Variants in USP24 observed in about 807,000 individuals in gnomAD.
USP24 encodes the protein ubiquitin specific peptidase 24.
USP24 carries 97 observed loss-of-function variants against 361.6 expected under a neutral mutation model. The observed-to-expected ratio is 0.27, with a 90% CI of 0.23 to 0.32. The LOEUF (loss-of-function observed/expected upper bound fraction) is 0.32. Among genes scored for constraint, USP24 ranks in the 10% least tolerant of loss-of-function variants. The pLI is 1.00. For missense variants in USP24, 2,353 were observed against 3,165.6 expected, an observed-to-expected ratio of 0.74 and a Z score of 6.16; for synonymous variants, 1,098 against 1,124.6, an observed-to-expected ratio of 0.98 and a Z score of 0.47.
intron 6 of USP24, 72 bp downstream of exon 6, chr1:55,166,496 T>A: frequency 7.2e-7 from 1 of 1,384,242 alleles, no homozygotes; most frequent in Non-Finnish European, 9.9e-7. Flanking sequence ...TTGCTTAATA[T>A]ACCAAACTCT....
At chr1:55,153,833 G>C in intron 16 of USP24, 37 bp downstream of exon 16, 1 of 1,525,974 alleles carries the variant, frequency 6.6e-7, no homozygotes, top group Non-Finnish European at 8.9e-7. Flanking sequence ...TATTAAACTA[G>C]TATACCTTTT....
At chr1:55,147,366 A>T (rs1647056875) in intron 18 of USP24, among the ~76,000 whole-genome samples, 1 of 152,186 alleles carries the variant, frequency 6.6e-6, no homozygotes, top group South Asian at 2.1e-4. Flanking sequence ...CTAATTTTTT[A>T]AAAAACAATA....
In USP24 at chr1:55,106,277, T is replaced by C. The variant is rs766767983; in HGVS notation, c.4763-14A>G. On this transcript the variant is annotated splice_polypyrimidine_tract_variant and intron_variant, in intron 40 of 67. Transcript: ENST00000294383. The stretch of plus-strand genomic sequence containing the variant: ...TGAGTGATGAACCTGGAATAGAGCA[T>C]AATATTCATGTTGAAGATGAACACA... The C allele has an allele frequency of 6.4e-7, 1 of 1,562,218 alleles. No individual in the cohort carries two copies. Among genetic ancestry groups the C allele is most frequent in the South Asian group, 1.1e-5 (1 of 89,630 alleles).
chr1:55,145,916 A>G, intron 20 of USP24, 82 bp downstream of exon 20: 1 of 1,005,190 alleles, frequency 9.9e-7, no homozygotes, highest in Non-Finnish European at 1.5e-6. Flanking sequence ...GTTGCTTCTG[A>G]GAAGGAGGAT....
In USP24 at chr1:55,079,498, C is replaced by T. The variant is rs371673177; in HGVS notation, c.7200+40G>A. 611 of 1,554,410 alleles carry T rather than the reference C, an allele frequency of 3.9e-4. 5 individuals are homozygous for T. In the South Asian group the frequency reaches 7.3e-3, roughly 19 times the overall value. ...GTAACAAAAAGCAATTTTCCTCAAA[C>T]AGGAGGGAAAAAAATGGCTTTAGAA... On this transcript the variant is annotated intron_variant, in intron 60 of 67. Transcript: ENST00000294383.
chr1:55,201,135 G>A (rs983702803), intron 1 of USP24, among the ~76,000 whole-genome samples: 1 of 152,190 alleles, frequency 6.6e-6, no homozygotes, highest in Non-Finnish European at 1.5e-5. Flanking sequence ...GGGTATTTTA[G>A]GCAAAAGTAG....
At chr1:55,209,908 T>A (rs900987798) in intron 1 of USP24, among the ~76,000 whole-genome samples, 2 of 152,202 alleles carry the variant, frequency 1.3e-5, no homozygotes, top group African/African-American at 4.8e-5. Context: ...AAATGGTATA[T>A]GATATTGTAG....
At chr1:55,179,118 C>T (rs780239879) in intron 1 of USP24, among the ~76,000 whole-genome samples, 9 of 152,186 alleles carry the variant, frequency 5.9e-5, no homozygotes, top group Non-Finnish European at 8.8e-5. Flanking sequence ...CATCACTGAA[C>T]TTTATTTCAC....
chr1:55,113,043 C>G (rs994247801), intron 38 of USP24, among the ~76,000 whole-genome samples: 1 of 151,792 alleles, frequency 6.6e-6, no homozygotes, highest in Admixed American at 6.6e-5. Flanking sequence ...TTTTTTTGAC[C>G]TTTGTTGGTT....
At position 55,215,238 on chromosome 1, in the gene USP24, G is replaced by T. The variant is rs1281012511; in HGVS notation, c.-125C>A. 2 of 778,486 alleles carry T rather than the reference G, an allele frequency of 2.6e-6. No individual in the cohort carries two copies. Among genetic ancestry groups the T allele is most frequent in the Admixed American group, 4.7e-5 (1 of 21,260 alleles). The allele number at this position is 778,486 out of a possible 1,614,324, so 48.2% of individuals were successfully genotyped here. On this transcript the variant is annotated 5_prime_UTR_variant, in exon 1 of 68. Coordinates refer to ENST00000294383, the MANE Select transcript of USP24 (RefSeq NM_015306.3). The stretch of plus-strand genomic sequence containing the variant: ...AGGTTGGCCCCTGCGTTCCTGCCCC[G>T]GGTGCTCCGCAGCAGCCGGGCCAGG...
chr1:55,123,209 T>C (rs1054723878), intron 36 of USP24, among the ~76,000 whole-genome samples: 2 of 152,236 alleles, frequency 1.3e-5, no homozygotes, highest in Admixed American at 1.3e-4. Flanking sequence ...AAGCTCGTGG[T>C]GTGCAGACAT....
intron 1 of USP24, among the ~76,000 whole-genome samples, chr1:55,184,551 A>G (rs1644073237): frequency 6.6e-6 from 1 of 152,228 alleles, no homozygotes; most frequent in Non-Finnish European, 1.5e-5. Flanking sequence ...ACAAGAAAAT[A>G]GAATACTCAA....
At chr1:55,122,438 T>C (rs1021444231) in intron 36 of USP24, among the ~76,000 whole-genome samples, 1 of 152,168 alleles carries the variant, frequency 6.6e-6, no homozygotes, top group Admixed American at 6.5e-5. Flanking sequence ...TGTAAAGATT[T>C]GGCTTTTGCT....
At position 55,072,397 on chromosome 1, in the gene USP24, C is replaced by T. The variant is rs1927330; in HGVS notation, c.7609G>A (p.Glu2537Lys). The T allele has an allele frequency of 1.9e-6, 3 of 1,612,360 alleles. No individual in the cohort carries two copies. Among genetic ancestry groups the T allele is most frequent in the Non-Finnish European group, 2.5e-6 (3 of 1,179,426 alleles). ...AVQWLQKKMSEHYWTPQSNVS... is the reference protein window; with the variant it reads ...AVQWLQKKMSKHYWTPQSNVS... ...TTACTCTGTGGTGTCCAGTAATGTT[C>T]TGACATCTGAGATGAAAGGTCAAAA... Residue 2537 changes from glutamate to lysine, a missense_variant, in exon 66 of 68, where the codon GAA becomes AAA. Glu to Lys is a moderately conservative substitution (Grantham distance 56). Transcript: ENST00000294383.
intron 7 of USP24, among the ~76,000 whole-genome samples, chr1:55,164,464 G>A (rs1648614732): frequency 6.6e-6 from 1 of 151,764 alleles, no homozygotes; most frequent in Non-Finnish European, 1.5e-5. Flanking sequence ...TAATATTATG[G>A]CCTAAATTTA....
chr1:55,080,464 G>A (rs150986424), intron 59 of USP24, among the ~76,000 whole-genome samples: 112 of 152,294 alleles, frequency 7.4e-4, no homozygotes, highest in Non-Finnish European at 1.2e-3. Context: ...CCACTAACTA[G>A]CTGTATGACC....
chr1:55,071,079 A>G (rs1424310469), intron 67 of USP24: 1 of 949,554 alleles, frequency 1.1e-6, no homozygotes, highest in African/African-American at 1.8e-5. Context: ...TCAGGGTGAC[A>G]GCTGCCTCAC....
Position 55,154,153 on chromosome 1 carries a change from C to T in USP24, c.1778G>A (p.Ser593Asn), listed in dbSNP as rs372739687. The change falls in exon 15 of 68, where the codon AGC (serine) becomes AAC (asparagine). Residue 593 changes from serine (S) to asparagine (N), a missense_variant. Ser to Asn is a conservative substitution (Grantham distance 46). Transcript: ENST00000294383. ...AYAVKEAIKRSYIIKCIEDIK... is the reference protein window; with the variant it reads ...AYAVKEAIKRNYIIKCIEDIK... Reference sequence around the variant, plus strand: ...ATCTTCTATGCACTTGATGATGTAGCTCCTCTTGATTGCTTCTTTCACTGC... The same window carrying T: ...ATCTTCTATGCACTTGATGATGTAGTTCCTCTTGATTGCTTCTTTCACTGC... The T allele has an allele frequency of 6.2e-6, 10 of 1,613,610 alleles. No individual in the cohort carries two copies. Among genetic ancestry groups the T allele is most frequent in the Non-Finnish European group, 6.8e-6 (8 of 1,179,702 alleles).
rs555168672 is a variant in USP24 at position 55,109,545 on chromosome 1, A to AT, written c.4570+639dup. On this transcript the variant is annotated intron_variant, in intron 39 of 67. Coordinates refer to ENST00000294383, the MANE Select transcript of USP24 (RefSeq NM_015306.3). ...GAACCTCAGAAATTAATTCTGAGGTATTTTTTTTCCTCCTGGTCTTGACGT... is the reference window on the plus strand; with the variant it reads ...GAACCTCAGAAATTAATTCTGAGGTATTTTTTTTTCCTCCTGGTCTTGACGT... Among the ~76,000 whole-genome samples, 281 of 151,918 alleles carry AT rather than the reference A, an allele frequency of 1.8e-3. 1 individual carries two copies. Among genetic ancestry groups the AT allele is most frequent in the Non-Finnish European group, 3.3e-3 (223 of 67,922 alleles).
Sources: allele counts gnomAD v4.1 joint callset (sites outside exome capture counted in the v4.1 genomes callset), GRCh38; gene constraint gnomAD v4.1.1; transcripts MANE v1.5; gene names NCBI Gene and HGNC (gene_info 2026-07-23, HGNC 2026-07-21).